WWOX: variants seen among roughly 807,000 people sequenced by gnomAD.
WWOX encodes the protein WW domain-containing oxidoreductase.
WWOX carries 69 observed loss-of-function variants against 46.2 expected under a neutral mutation model. That is an observed-to-expected ratio of 1.49 (90% confidence interval 1.23 to 1.82). The LOEUF (loss-of-function observed/expected upper bound fraction) is 1.82, where lower values mean the gene tolerates loss of function less well. Ranked by LOEUF, WWOX falls within the 40% of genes most tolerant of loss-of-function variation. WWOX has a pLI of 0.00. For missense variants in WWOX, 919 were observed against 542.6 expected (o/e 1.69, Z -6.89); for synonymous variants, 359 against 202.6 (o/e 1.77, Z -6.56).
chr16:78,975,283 G>C (rs1216591225), intron 8 of WWOX, among the ~76,000 whole-genome samples: 7 of 152,124 alleles, frequency 4.6e-5, no homozygotes, highest in Admixed American at 4.6e-4. Flanking sequence ...AGACATTTTT[G>C]ATTGTCATAA....
chr16:78,398,465 G>T (rs747331672), intron 6 of WWOX, among the ~76,000 whole-genome samples: 2 of 152,158 alleles, frequency 1.3e-5, no homozygotes, highest in Non-Finnish European at 2.9e-5. Flanking sequence ...AACCAAGCTG[G>T]ATTCATGGAT....
chr16:79,035,900 T>C (rs1300391775), intron 8 of WWOX, among the ~76,000 whole-genome samples: 2 of 152,246 alleles, frequency 1.3e-5, no homozygotes, highest in Non-Finnish European at 2.9e-5. Context: ...CAGCCAAGAA[T>C]TCAGCTTCTT....
chr16:79,047,413 T>C (rs905997815), intron 8 of WWOX, among the ~76,000 whole-genome samples: 4 of 152,230 alleles, frequency 2.6e-5, no homozygotes, highest in Non-Finnish European at 5.9e-5. Context: ...CATTGGTTAA[T>C]TGATTAATTG....
intron 8 of WWOX, among the ~76,000 whole-genome samples, chr16:78,885,112 G>A (rs565453219): frequency 6.6e-6 from 1 of 151,752 alleles, no homozygotes; most frequent in Non-Finnish European, 1.5e-5. Flanking sequence ...TAACATCTCT[G>A]TTAGTTTGTG....
intron 5 of WWOX, among the ~76,000 whole-genome samples, chr16:78,184,670 C>T (rs1275689052): frequency 3.3e-5 from 5 of 152,006 alleles, no homozygotes; most frequent in Non-Finnish European, 7.4e-5. Context: ...ACAGTAAAAA[C>T]ACTGTTCGGT....
intron 8 of WWOX, among the ~76,000 whole-genome samples, chr16:79,103,792 C>A (rs1365465497): frequency 1.3e-5 from 2 of 152,058 alleles, no homozygotes; most frequent in East Asian, 3.9e-4. Context: ...GTAAGGAGAG[C>A]TGCAAATGGG....
chr16:78,565,822 G>A (rs1200489425), intron 8 of WWOX, among the ~76,000 whole-genome samples: 4 of 152,128 alleles, frequency 2.6e-5, no homozygotes, highest in African/African-American at 9.7e-5. Flanking sequence ...CTCAGTGATG[G>A]GAGTCTTCCT....
intron 8 of WWOX, among the ~76,000 whole-genome samples, chr16:78,820,455 T>G (rs916158009): frequency 6.6e-6 from 1 of 152,178 alleles, no homozygotes; most frequent in Admixed American, 6.5e-5. Context: ...ATAAAAATCT[T>G]TCTTACTGAT....
intron 5 of WWOX, among the ~76,000 whole-genome samples, chr16:78,202,234 G>C (rs140724206): frequency 5.1e-4 from 77 of 152,336 alleles, no homozygotes; most frequent in Non-Finnish European, 9.7e-4. Flanking sequence ...GCTGGGCTCA[G>C]ATTACTGACG....
intron 8 of WWOX, among the ~76,000 whole-genome samples, chr16:78,949,953 T>C (rs1387984722): frequency 6.6e-6 from 1 of 152,196 alleles, no homozygotes; most frequent in African/African-American, 2.4e-5. Flanking sequence ...TGAAGCACTT[T>C]TCATGCATTA....
rs143207811 is a variant in WWOX at position 78,256,294 on chromosome 16, A to C, written c.516+92005A>C. ...TGTCTCTCCTAAATGAGGAGAACCA[A>C]AGCTGGAAATTGTCACCCCCTGTCA... On this transcript the variant is annotated intron_variant, in intron 5 of 8. Coordinates refer to ENST00000566780, the MANE Select transcript of WWOX (RefSeq NM_016373.4). Among the ~76,000 whole-genome samples the C allele has an allele frequency of 1.7e-3, 254 of 152,136 alleles. 1 individual carries two copies. Among genetic ancestry groups the C allele is most frequent in the African/African-American group, 4.8e-3 (199 of 41,514 alleles).
At chr16:78,399,646 G>A (rs1814783589) in intron 6 of WWOX, among the ~76,000 whole-genome samples, 2 of 152,194 alleles carry the variant, frequency 1.3e-5, no homozygotes, top group African/African-American at 4.8e-5. Flanking sequence ...TACTCTCAGA[G>A]AACTCTCGAT....
intron 8 of WWOX, among the ~76,000 whole-genome samples, chr16:78,529,404 G>A (rs927886264): frequency 6.6e-6 from 1 of 152,056 alleles, no homozygotes; most frequent in East Asian, 1.9e-4. Context: ...CTATTTTCTG[G>A]TTGGTGGTTT....
intron 8 of WWOX, among the ~76,000 whole-genome samples, chr16:79,031,754 C>G (rs1567500970): frequency 7.1e-6 from 1 of 140,460 alleles, no homozygotes; most frequent in African/African-American, 2.6e-5. Context: ...CTCTTTCTTT[C>G]TATATATATA....
chr16:79,101,436 C>T (rs1597376523), intron 8 of WWOX: 1 of 152,178 alleles, frequency 6.6e-6, no homozygotes, highest in South Asian at 2.1e-4. Context: ...GGGTAAATTC[C>T]CCAAAATTAC....
chr16:79,185,631 G>T (rs2050998133), intron 8 of WWOX, among the ~76,000 whole-genome samples: 1 of 152,132 alleles, frequency 6.6e-6, no homozygotes, highest in Non-Finnish European at 1.5e-5. Flanking sequence ...CAGGATGCAG[G>T]GAGGGCCTTT....
At position 78,513,103 on chromosome 16, in the gene WWOX, G is replaced by A. The variant is rs1487545953; in HGVS notation, c.1056+80351G>A. Among the ~76,000 whole-genome samples the A allele has an allele frequency of 2.6e-5, 4 of 152,268 alleles. No individual in the cohort carries two copies. The East Asian group carries it at 7.7e-4, about 29-fold the overall frequency. ...ACATGTGCCTTTGGAGATTCCAACT[G>A]GTTTGTATTTTCATTCTCTCCGTTG... is the stretch of plus-strand genomic sequence containing the variant. On this transcript the variant is annotated intron_variant, in intron 8 of 8. Coordinates refer to ENST00000566780, the MANE Select transcript of WWOX (RefSeq NM_016373.4).
intron 5 of WWOX, among the ~76,000 whole-genome samples, chr16:78,188,106 A>G (rs2035765910): frequency 6.6e-6 from 1 of 152,202 alleles, no homozygotes; most frequent in Non-Finnish European, 1.5e-5. Context: ...AGCTATTTAT[A>G]TGAAATTTAG....
At chr16:78,546,817 C>A (rs1441997271) in intron 8 of WWOX, among the ~76,000 whole-genome samples, 1 of 152,096 alleles carries the variant, frequency 6.6e-6, no homozygotes, top group Admixed American at 6.5e-5. Flanking sequence ...CTGGGCACAA[C>A]AGTAGTTGTT....
Sources: gnomAD v4.1 joint callset for allele counts (sites outside exome capture counted in the v4.1 genomes callset) on GRCh38, gnomAD v4.1.1 for gene constraint, MANE v1.5 for transcripts, NCBI Gene and HGNC (gene_info 2026-07-23, HGNC 2026-07-21) for gene names.